The following DPYS variants were observed in gnomAD, a reference collection of about 807,000 sequenced individuals.
DPYS encodes the protein dihydropyrimidinase.
A neutral mutation model predicts 50.3 loss-of-function variants in DPYS; 39 were observed. The ratio of observed to expected loss-of-function variants is 0.78; its 90% CI spans 0.60 to 1.01. The LOEUF is 1.01. Among genes scored for constraint, DPYS ranks in the 50% least tolerant of loss-of-function variants. DPYS has a pLI of 0.00. For synonymous variants in DPYS, 245 were observed against 250.7 expected (o/e 0.98, Z 0.22); for missense variants, 659 against 680.9 (o/e 0.97, Z 0.36).
intron 4 of DPYS, among the ~76,000 whole-genome samples, chr8:104,441,597 G>A (rs1813359734): frequency 6.6e-6 from 1 of 152,204 alleles, no homozygotes; most frequent in Non-Finnish European, 1.5e-5. Context: ...GCCGAAGATG[G>A]AGGAAGGGGC....
intron 6 of DPYS, among the ~76,000 whole-genome samples, chr8:104,427,178 G>A (rs1238289393): frequency 1.4e-5 from 2 of 142,250 alleles, no homozygotes; most frequent in Non-Finnish European, 3.0e-5. Flanking sequence ...TCCAGTCCGG[G>A]CAACAGAGTG....
In DPYS at chr8:104,413,289, T is replaced by A. The variant is rs1489778510; in HGVS notation, c.1235+10958A>T. Reference sequence around the variant, plus strand: ...AAGTTGCACAATACATATAGTACAATTCATATGAAGCTAAGAATACACAAA... The same window carrying A: ...AAGTTGCACAATACATATAGTACAAATCATATGAAGCTAAGAATACACAAA... On this transcript the variant is annotated intron_variant, in intron 7 of 9. Coordinates refer to ENST00000351513, the MANE Select transcript of DPYS (RefSeq NM_001385.3). Among the ~76,000 whole-genome samples, 3 of 151,682 alleles carry A rather than the reference T, an allele frequency of 2.0e-5. No homozygotes were observed. In the East Asian group the frequency reaches 5.8e-4, roughly 29 times the overall value.
In DPYS at chr8:104,451,414, T is replaced by G. The variant is rs760522357; in HGVS notation, c.265-10A>C. Reference sequence around the variant, plus strand: ...CTCCTGAGAGAGCAGCCTGGAATCATAAGAGGTTTTCAACAAATTAGCTAT... The same window carrying G: ...CTCCTGAGAGAGCAGCCTGGAATCAGAAGAGGTTTTCAACAAATTAGCTAT... On this transcript the variant is annotated splice_polypyrimidine_tract_variant and intron_variant, in intron 1 of 9. Coordinates refer to ENST00000351513, the MANE Select transcript of DPYS (RefSeq NM_001385.3). 23 of 1,614,036 alleles carry G rather than the reference T, an allele frequency of 1.4e-5. No individual in the cohort carries two copies. Among genetic ancestry groups the G allele is most frequent in the Middle Eastern group, 1.7e-4 (1 of 6,060 alleles).
chr8:104,412,227 C>T (rs1310502398), intron 7 of DPYS, among the ~76,000 whole-genome samples: 7 of 152,200 alleles, frequency 4.6e-5, no homozygotes, highest in East Asian at 1.9e-4. Context: ...ATGCAGGCCA[C>T]GCTCCTGCCA....
intron 7 of DPYS, chr8:104,421,140 C>G (rs1187682424): frequency 1.3e-5 from 2 of 151,974 alleles, no homozygotes; most frequent in African/African-American, 4.8e-5. Context: ...TGTCTGGCAC[C>G]GAGGTGTACA....
At chr8:104,441,143 C>T (rs1813340619) in intron 4 of DPYS, among the ~76,000 whole-genome samples, 1 of 152,154 alleles carries the variant, frequency 6.6e-6, no homozygotes, top group Admixed American at 6.5e-5. Flanking sequence ...GCAATTTTGC[C>T]TCTTTGACAA....
In DPYS at chr8:104,466,966, G is replaced by C. The variant is rs1200125523; in HGVS notation, c.-46C>G. The C allele has an allele frequency of 5.8e-6, 8 of 1,367,798 alleles. No individual in the cohort carries two copies. The South Asian group carries it at 1.2e-4, about 20-fold the overall frequency. The allele number at this position is 1,367,798 out of a possible 1,614,324, so 84.7% of individuals were successfully genotyped here. On this transcript the variant is annotated 5_prime_UTR_variant, in exon 1 of 10. Transcript: ENST00000351513. ...CTACTCGGCCCGGGCTGCGCGCAGG[G>C]GCTGGGTTGGGCGGGCCGGGCGGGC...
chr8:104,444,940 A>G (rs144479236), intron 3 of DPYS, among the ~76,000 whole-genome samples: 124 of 152,362 alleles, frequency 8.1e-4, no homozygotes, highest in African/African-American at 2.9e-3. Flanking sequence ...ATCTGATTTA[A>G]AAATGGGCAA....
Position 104,407,820 on chromosome 8 carries a change from G to A in DPYS, c.1236-14829C>T, listed in dbSNP as rs1471268717. Among the ~76,000 whole-genome samples, 29 of 152,134 alleles carry A rather than the reference G, an allele frequency of 1.9e-4. 1 individual carries two copies. Among genetic ancestry groups the A allele is most frequent in the Admixed American group, 1.9e-3 (29 of 15,272 alleles). On this transcript the variant is annotated intron_variant, in intron 7 of 9. Coordinates refer to ENST00000351513, the MANE Select transcript of DPYS (RefSeq NM_001385.3). ...TGAGGGAGAATAATATACTAACTAG[G>A]CTTAAAATATTACCATAAAGAAAGT...
intron 2 of DPYS, among the ~76,000 whole-genome samples, chr8:104,450,964 C>T (rs1270920256): frequency 2.0e-5 from 3 of 152,054 alleles, no homozygotes; most frequent in Non-Finnish European, 2.9e-5. Context: ...ACACTTAAAG[C>T]ATTGATGATT....
intron 7 of DPYS, among the ~76,000 whole-genome samples, chr8:104,423,412 C>T (rs1812613058): frequency 1.3e-5 from 2 of 152,078 alleles, no homozygotes; most frequent in African/African-American, 2.4e-5. Flanking sequence ...CAAAGGTAAC[C>T]CAGGAGCACT....
At chr8:104,413,910 G>A (rs1812278255) in intron 7 of DPYS, among the ~76,000 whole-genome samples, 1 of 152,188 alleles carries the variant, frequency 6.6e-6, no homozygotes, top group African/African-American at 2.4e-5. Context: ...GGATACAGGA[G>A]AGGTCAGGTG....
chr8:104,458,138 A>G (rs1813993370), intron 1 of DPYS, among the ~76,000 whole-genome samples: 1 of 152,168 alleles, frequency 6.6e-6, no homozygotes, highest in Admixed American at 6.5e-5. Flanking sequence ...AAATCCTCAG[A>G]GCAACAATGT....
At chr8:104,425,747 G>A (rs569913716) in intron 6 of DPYS, among the ~76,000 whole-genome samples, 39 of 152,288 alleles carry the variant, frequency 2.6e-4, no homozygotes, top group African/African-American at 9.4e-4. Flanking sequence ...AGAATTCAGA[G>A]GGGTGTGGCT....
Position 104,381,212 on chromosome 8 carries a change from G to C in DPYS, c.1546C>G (p.Gln516Glu). 1 of 1,614,096 alleles carries C rather than the reference G, an allele frequency of 6.2e-7. No individual in the cohort carries two copies. Among genetic ancestry groups the C allele is most frequent in the Non-Finnish European group, 8.5e-7 (1 of 1,180,000 alleles). Reference sequence around the variant, plus strand: ...TGGCACACACTTCAGGGGTGGGCCTGTTTCCTGGTCCCTGCTGTGGCATCT... The same window carrying C: ...TGGCACACACTTCAGGGGTGGGCCTCTTTCCTGGTCCCTGCTGTGGCATCT... Reference protein sequence around the residue: ...KEDATAGTRKQAHP With the variant: ...KEDATAGTRKEAHP The change falls in exon 9 of 10, where the codon CAG becomes GAG. Residue 516 changes from glutamine to glutamate, a missense_variant. Coordinates refer to ENST00000351513, the MANE Select transcript of DPYS (RefSeq NM_001385.3).
intron 7 of DPYS, among the ~76,000 whole-genome samples, chr8:104,400,300 G>C (rs1360632570): frequency 6.6e-6 from 1 of 152,230 alleles, no homozygotes; most frequent in African/African-American, 2.4e-5. Flanking sequence ...TTCTGAGGCA[G>C]AGTTCAAAAG....
chr8:104,428,119 T>C lies in DPYS; in HGVS notation c.953A>G (p.Asp318Gly). 6.2e-7 allele frequency: 1 copy of C among 1,614,222 alleles called. No homozygotes were observed. Among genetic ancestry groups the C allele is most frequent in the South Asian group, 1.1e-5 (1 of 91,092 alleles). Residue 318 changes from aspartate (D) to glycine (G), a missense_variant and splice_region_variant, in exon 6 of 10, where the codon GAT becomes GGT. Asp to Gly is a moderately conservative substitution (Grantham distance 94). Transcript: ENST00000351513. The part of the protein sequence containing the change: ...PDFLMNLLAN[D>G]DLTTTGTDNC... The stretch of plus-strand genomic sequence containing the variant: ...ATCAGTCCCTGTTGTGGTTAGATCA[T>C]CACTGTAAAAGAAAAAACACGAGAG...
intron 6 of DPYS, among the ~76,000 whole-genome samples, chr8:104,426,130 G>T (rs1346605499): frequency 1.3e-5 from 2 of 152,118 alleles, no homozygotes; most frequent in Non-Finnish European, 2.9e-5. Flanking sequence ...GGAGGAAGGG[G>T]GGTGAGGAAA....
At chr8:104,458,429 TTCCC>T (rs1158530287) in intron 1 of DPYS, among the ~76,000 whole-genome samples, 1 of 152,204 alleles carries the variant, frequency 6.6e-6, no homozygotes, top group Non-Finnish European at 1.5e-5. Context: ...ATTCATGTTC[TTCCC>T]TCCTCTACCC....
Sources: gnomAD v4.1 joint callset for allele counts (sites outside exome capture counted in the v4.1 genomes callset) on GRCh38, gnomAD v4.1.1 for gene constraint, MANE v1.5 for transcripts, NCBI Gene and HGNC (gene_info 2026-07-23, HGNC 2026-07-21) for gene names.